The following JMJD1C variants were observed in gnomAD, a reference collection of about 807,000 sequenced individuals.
JMJD1C encodes the protein jumonji domain containing 1C.
In JMJD1C, 31 loss-of-function variants were observed where a neutral mutation model predicts 245.3. The observed-to-expected ratio is 0.13, with a 90% CI of 0.09 to 0.17. JMJD1C has a LOEUF of 0.17. Ranked by LOEUF, JMJD1C falls within the 10% of genes least tolerant of loss-of-function variation. The probability of loss-of-function intolerance (pLI) is 1.00; values close to 1 mark genes in which losing one functional copy is unlikely to be tolerated. For synonymous variants in JMJD1C, 1,057 were observed against 1,017.4 expected (o/e 1.04, Z -0.74); for missense variants, 2,691 against 3,000.2 (o/e 0.90, Z 2.41).
At chr10:63,347,728 C>T (rs1466108863) in intron 2 of JMJD1C, among the ~76,000 whole-genome samples, 6 of 151,918 alleles carry the variant, frequency 3.9e-5, no homozygotes, top group Middle Eastern at 3.2e-3. Flanking sequence ...GCTTGGCCAA[C>T]GTGGTGAAAC....
chr10:63,196,000 G>A (rs1274083893), intron 13 of JMJD1C, among the ~76,000 whole-genome samples: 2 of 151,906 alleles, frequency 1.3e-5, no homozygotes, highest in African/African-American at 4.8e-5. Flanking sequence ...AAAATCAGCA[G>A]GCTGGGCGTG....
intron 17 of JMJD1C, 65 bp from the exon 18 acceptor site, chr10:63,189,511 C>T: frequency 1.4e-6 from 2 of 1,380,622 alleles, no homozygotes; most frequent in Non-Finnish European, 2.0e-6. Context: ...ATTTTCCTCC[C>T]ACAGACTTAT....
chr10:63,224,106 A>G (rs1170392190), intron 3 of JMJD1C, among the ~76,000 whole-genome samples: 1 of 152,164 alleles, frequency 6.6e-6, no homozygotes, highest in Non-Finnish European at 1.5e-5. Flanking sequence ...TCATTAAACA[A>G]TATACAAATA....
At chr10:63,221,720 CTT>C (rs1344769819) in intron 3 of JMJD1C, among the ~76,000 whole-genome samples, 1 of 152,116 alleles carries the variant, frequency 6.6e-6, no homozygotes, top group African/African-American at 2.4e-5. Context: ...ACATAGGAAA[CTT>C]TTTGTTTTTG....
intron 8 of JMJD1C, among the ~76,000 whole-genome samples, chr10:63,212,631 G>C (rs1451698905): frequency 6.6e-6 from 1 of 152,012 alleles, no homozygotes; most frequent in Non-Finnish European, 1.5e-5. Context: ...CTGTAACCTT[G>C]AGCACCCTTA....
At chr10:63,182,966 A>C (rs1240777956) in intron 22 of JMJD1C, among the ~76,000 whole-genome samples, 2 of 152,104 alleles carry the variant, frequency 1.3e-5, no homozygotes, top group African/African-American at 4.8e-5. Flanking sequence ...GGTTCAAGCG[A>C]TTCTCCTGCC....
intron 3 of JMJD1C, among the ~76,000 whole-genome samples, chr10:63,229,809 C>T (rs952397274): frequency 6.6e-6 from 1 of 152,118 alleles, no homozygotes. Flanking sequence ...ATATTCTTTG[C>T]ATTCGAGTTT....
intron 2 of JMJD1C, among the ~76,000 whole-genome samples, chr10:63,310,335 T>C (rs1318939124): frequency 6.6e-6 from 1 of 152,188 alleles, no homozygotes; most frequent in Non-Finnish European, 1.5e-5. Flanking sequence ...AGATAGAACT[T>C]CAAGACAACA....
intron 2 of JMJD1C, among the ~76,000 whole-genome samples, chr10:63,317,777 C>T (rs1940283455): frequency 6.6e-6 from 1 of 152,172 alleles, no homozygotes; most frequent in African/African-American, 2.4e-5. Context: ...CCCGTCGCCC[C>T]CCATCCCATC....
chr10:63,225,841 C>T (rs1849206908), intron 3 of JMJD1C, among the ~76,000 whole-genome samples: 1 of 151,430 alleles, frequency 6.6e-6, no homozygotes, highest in South Asian at 2.1e-4. Context: ...ATGCTGGGTA[C>T]TTTCCATACA....
chr10:63,398,837 G>A (rs1948676864), intron 1 of JMJD1C, among the ~76,000 whole-genome samples: 1 of 152,102 alleles, frequency 6.6e-6, no homozygotes, highest in Non-Finnish European at 1.5e-5. Flanking sequence ...TAGAGACAGG[G>A]TTTCACCATG....
At chr10:63,445,862 ATTTTTT>A (rs56316223) in intron 1 of JMJD1C, among the ~76,000 whole-genome samples, 92 of 75,768 alleles carry the variant, frequency 1.2e-3, no homozygotes, top group Admixed American at 2.7e-3. Context: ...TGGGATCTGA[ATTTTTT>A]TTTTTTTTTT....
chr10:63,217,104 TAG>T, intron 5 of JMJD1C, 101 bp downstream of exon 5: 1 of 1,069,146 alleles, frequency 9.4e-7, no homozygotes. Flanking sequence ...CTAAAAACCC[TAG>T]AGATAAAAAT....
At position 63,208,809 on chromosome 10, in the gene JMJD1C, G is replaced by A. The variant is rs1846968833; in HGVS notation, c.2868-8C>T. On this transcript the variant is annotated splice_polypyrimidine_tract_variant and splice_region_variant and intron_variant, in intron 9 of 25. Transcript: ENST00000399262. ...GCTTTTCTTTCTAATTCTCTGTAAA[G>A]AAAATACACAAATATTTCTGTAACC... The A allele has an allele frequency of 6.4e-7, 1 of 1,554,388 alleles. No homozygotes were observed. The highest frequency in any genetic ancestry group is 8.6e-7 in the Non-Finnish European group (1 of 1,156,158).
At chr10:63,326,950 A>G (rs1234479347) in intron 2 of JMJD1C, among the ~76,000 whole-genome samples, 1 of 152,048 alleles carries the variant, frequency 6.6e-6, no homozygotes, top group Non-Finnish European at 1.5e-5. Context: ...AGTTTGGGAG[A>G]CCGAGACAGG....
At chr10:63,212,546 A>T (rs1464168150) in intron 8 of JMJD1C, among the ~76,000 whole-genome samples, 1 of 152,060 alleles carries the variant, frequency 6.6e-6, no homozygotes, top group Non-Finnish European at 1.5e-5. Flanking sequence ...CAAGAGCCTT[A>T]TACCGCTACC....
At chr10:63,291,169 A>T (rs1385737408) in intron 2 of JMJD1C, among the ~76,000 whole-genome samples, 1 of 151,772 alleles carries the variant, frequency 6.6e-6, no homozygotes. Flanking sequence ...TTAGCTAGGC[A>T]TGGTGGCACA....
chr10:63,215,785 T>C (rs998382154), intron 5 of JMJD1C, 89 bp from the exon 6 acceptor site: 1 of 903,836 alleles, frequency 1.1e-6, no homozygotes, highest in African/African-American at 1.7e-5. Flanking sequence ...TAGAAATGTT[T>C]AGAAATCAGC....
At chr10:63,465,472 A>G in intron 1 of JMJD1C, 23 bp downstream of exon 1, 6 of 1,580,056 alleles carry the variant, frequency 3.8e-6, no homozygotes, top group Non-Finnish European at 5.1e-6. Context: ...GGCAGGGGAA[A>G]AGGGGGGCGC....
Sources: allele counts gnomAD v4.1 joint callset (sites outside exome capture counted in the v4.1 genomes callset), GRCh38; gene constraint gnomAD v4.1.1; transcripts MANE v1.5; gene names NCBI Gene and HGNC (gene_info 2026-07-23, HGNC 2026-07-21).